The following XIRP1 variants were observed in gnomAD, a reference collection of about 807,000 sequenced individuals.
XIRP1 encodes the protein xin actin-binding repeat-containing protein 1.
For missense variants in XIRP1, 2,378 were observed against 2,345.4 expected, an observed-to-expected ratio of 1.01 and a Z score of -0.29; for synonymous variants, 984 against 947.0, an observed-to-expected ratio of 1.04 and a Z score of -0.72.
Position 39,183,700 on chromosome 3 carries a change from C to G in XIRP1, c.*214G>C. On this transcript the variant is annotated 3_prime_UTR_variant, in exon 2 of 2. Transcript: ENST00000340369. The stretch of plus-strand genomic sequence containing the variant: ...CCCCCATCCTACCCCCACGCCTGTG[C>G]AACTCTGTGGGCCTCTTCCAGACCT... The G allele has an allele frequency of 1.3e-6, 1 of 794,988 alleles. No homozygotes were observed. Among genetic ancestry groups the G allele is most frequent in the Non-Finnish European group, 1.9e-6 (1 of 525,626 alleles). 49.2% of individuals were successfully genotyped at this position (794,988 alleles called of 1,614,324 possible). A position where few individuals can be genotyped will look rare whatever the true frequency, so the allele number is the denominator to read the frequency against.
rs752027969 is a variant in XIRP1 at position 39,188,162 on chromosome 3, G to C, written c.1284C>G (p.Ala428=). The C allele has an allele frequency of 6.2e-7, 1 of 1,614,150 alleles. No homozygotes were observed. The highest frequency in any genetic ancestry group is 2.2e-5 in the East Asian group (1 of 44,888). ...SSSALPFSQS[A]PQRDELKGDV... is the part of the protein sequence containing the mutation. ...CCCCCTTTAGCTCATCCCTCTGGGG[G>C]GCACTCTGAGAGAAGGGCAGTGCTG... Residue 428 remains alanine (A), a synonymous_variant, in exon 2 of 2, where the codon GCC becomes GCG. Transcript: ENST00000340369.
rs777158217 is a variant in XIRP1, at chr3:39,183,961, C to T, written c.5485G>A (p.Glu1829Lys). 4.3e-6 allele frequency: 7 copies of T among 1,612,088 alleles called. No homozygotes were observed. Among genetic ancestry groups the T allele is most frequent in the Non-Finnish European group, 4.2e-6 (5 of 1,179,908 alleles). The stretch of plus-strand genomic sequence containing the variant: ...TAGCTGCAGGACACCTGCACCGTCT[C>T]AGCTTCTGTCAGGTCACTGCTGAAC... ...AGFSSDLTEA[E>K]TVQVSCSYSQ... Residue 1829 changes from glutamate to lysine, a missense_variant, in exon 2 of 2, where the codon GAG becomes AAG. Transcript: ENST00000340369.
In XIRP1 at chr3:39,188,490, A is replaced by G. The variant is rs377641620; in HGVS notation, c.956T>C (p.Ile319Thr). 1.6e-5 allele frequency: 25 copies of G among 1,603,876 alleles called. No homozygotes were observed. In the African/African-American group the frequency reaches 3.3e-4, roughly 21 times the overall value. Residue 319 changes from isoleucine to threonine, a missense_variant, in exon 2 of 2, where the codon ATC becomes ACC. By Grantham distance (89) the Ile-to-Thr change is moderately conservative. Transcript: ENST00000340369. ...CTTCTCATCTACCAAGATCTCCCGG[A>G]TGGCATCCAGGGGCTGTGTCTCAAA... ...WIFETQPLDA[I>T]REILVDEKDF...
chr3:39,184,521 G>A lies in XIRP1; in HGVS notation c.4925C>T (p.Pro1642Leu). Residue 1642 changes from proline to leucine, a missense_variant, in exon 2 of 2, where the codon CCT becomes CTT. Physicochemically the swap from Pro to Leu is moderately conservative, Grantham distance 98. Coordinates refer to ENST00000340369, the MANE Select transcript of XIRP1 (RefSeq NM_194293.4). Reference protein sequence around the residue: ...EARGHTASTAPSTRRQETSRE... With the variant: ...EARGHTASTALSTRRQETSRE... The stretch of plus-strand genomic sequence containing the variant: ...TGATGTCTCCTGCCTCCTGGTGGAA[G>A]GGGCAGTTGAGGCTGTGTGACCTCT... 1 of 1,613,830 alleles carries A rather than the reference G, an allele frequency of 6.2e-7. No individual in the cohort carries two copies. The highest frequency in any genetic ancestry group is 1.1e-5 in the South Asian group (1 of 91,090).
At position 39,189,236 on chromosome 3, in the gene XIRP1, A is replaced by C; in HGVS notation, c.210T>G (p.Ala70=). 2 of 1,614,150 alleles carry C rather than the reference A, an allele frequency of 1.2e-6. No individual in the cohort carries two copies. The highest frequency in any genetic ancestry group is 1.7e-6 in the Non-Finnish European group (2 of 1,180,038). The change falls in exon 2 of 2, where the codon GCT becomes GCG. Residue 70 remains alanine, a synonymous_variant. Coordinates refer to ENST00000340369, the MANE Select transcript of XIRP1 (RefSeq NM_194293.4). ...CAGCCAGATCCTCGGCCACAGCCTC[A>C]GCCAGATTCTTGCGGAGCTCAGGGT... ...HIHPELRKNL[A]EAVAEDLAEV... is the part of the protein sequence containing the mutation.
rs368380180 is a variant in XIRP1, at chr3:39,186,738, C to T, written c.2708G>A (p.Gly903Asp). The stretch of plus-strand genomic sequence containing the variant: ...AGAGTAGGCAGTCAGTGCGACCAGG[C>T]CCTGCTCTGTCTCCTGCATCACCAG... ...TGLVMQETEQ[G>D]LVALTAYSLQ... The change falls in exon 2 of 2, where the codon GGC (glycine) becomes GAC (aspartate). Residue 903 changes from glycine to aspartate, a missense_variant. Transcript: ENST00000340369. 4 of 1,613,926 alleles carry T rather than the reference C, an allele frequency of 2.5e-6. No homozygotes were observed. Among genetic ancestry groups the T allele is most frequent in the Non-Finnish European group, 3.4e-6 (4 of 1,180,046 alleles).
chr3:39,189,498 A>G lies in XIRP1; in HGVS notation c.-53T>C, dbSNP rs2040057699. On this transcript the variant is annotated 5_prime_UTR_variant, in exon 2 of 2. Transcript: ENST00000340369. ...GGATGGGATTGGGAGCCTTAGATCT[A>G]GATGTTCAGCAGGGTAGAGGCTGGA... is the stretch of plus-strand genomic sequence containing the variant. 6.5e-7 allele frequency: 1 copy of G among 1,531,222 alleles called. No homozygotes were observed. The highest frequency in any genetic ancestry group is 2.1e-5 in the Admixed American group (1 of 47,598). 94.9% of individuals were successfully genotyped at this position (1,531,222 alleles called of 1,614,324 possible). A position where few individuals can be genotyped will look rare whatever the true frequency, so the allele number is the denominator to read the frequency against.
rs773256170 is a variant in XIRP1 at position 39,186,215 on chromosome 3, C to G, written c.3231G>C (p.Lys1077Asn). 3 of 1,613,850 alleles carry G rather than the reference C, an allele frequency of 1.9e-6. No individual in the cohort carries two copies. The highest frequency in any genetic ancestry group is 3.3e-4 in the Middle Eastern group (2 of 6,058). ...AAGTGGCTGTTGGGGTGGGGCCCTG[C>G]TTGTGCTTGTTCAGAACTTGCTGGT... ...SLHQQVLNKH[K>N]QGPTPTATSN... The change falls in exon 2 of 2, where the codon AAG becomes AAC. Residue 1077 changes from lysine (K) to asparagine (N), a missense_variant. Coordinates refer to ENST00000340369, the MANE Select transcript of XIRP1 (RefSeq NM_194293.4).
chr3:39,187,236 A>C lies in XIRP1; in HGVS notation c.2210T>G (p.Met737Arg), dbSNP rs1265398723. Reference protein sequence around the residue: ...KFTWLFENCPMGSLAAESIQG... With the variant: ...KFTWLFENCPRGSLAAESIQG... ...GATGCTCTCAGCTGCCAGGGAGCCC[A>C]TGGGACAATTCTCAAAAAGCCAAGT... The change falls in exon 2 of 2, where the codon ATG (methionine) becomes AGG (arginine). Residue 737 changes from methionine (M) to arginine (R), a missense_variant. Transcript: ENST00000340369. 1.5e-5 allele frequency: 24 copies of C among 1,586,882 alleles called. No homozygotes were observed. Among genetic ancestry groups the C allele is most frequent in the Non-Finnish European group, 2.1e-5 (24 of 1,163,400 alleles).
At position 39,189,488 on chromosome 3, in the gene XIRP1, C is replaced by T. The variant is rs374020685; in HGVS notation, c.-43G>A. On this transcript the variant is annotated 5_prime_UTR_variant, in exon 2 of 2. Transcript: ENST00000340369. ...GCAGAGATGAGGATGGGATTGGGAGCCTTAGATCTAGATGTTCAGCAGGGT... is the reference window on the plus strand; with the variant it reads ...GCAGAGATGAGGATGGGATTGGGAGTCTTAGATCTAGATGTTCAGCAGGGT... The T allele has an allele frequency of 1.3e-6, 2 of 1,535,768 alleles. No homozygotes were observed. The highest frequency in any genetic ancestry group is 2.8e-5 in the African/African-American group (2 of 72,412).
chr3:39,188,041 C>T lies in XIRP1; in HGVS notation c.1405G>A (p.Gly469Arg). Reference protein sequence around the residue: ...LAHGSPSREEGTDSAGQAQGI... With the variant: ...LAHGSPSREERTDSAGQAQGI... ...TGGGCCTGCCCAGCAGAATCAGTTC[C>T]TTCTTCTCTGCTTGGACTCCCATGG... The change falls in exon 2 of 2, where the codon GGA becomes AGA. Residue 469 changes from glycine (G) to arginine (R), a missense_variant. Coordinates refer to ENST00000340369, the MANE Select transcript of XIRP1 (RefSeq NM_194293.4). 1 of 1,614,188 alleles carries T rather than the reference C, an allele frequency of 6.2e-7. No homozygotes were observed. Among genetic ancestry groups the T allele is most frequent in the Non-Finnish European group, 8.5e-7 (1 of 1,179,984 alleles).
At chr3:39,190,107 C>T (rs60722990) in intron 1 of XIRP1, among the ~76,000 whole-genome samples, 3,741 of 152,312 alleles carry the variant, frequency 0.025, 128 homozygotes, top group Admixed American at 0.081. Flanking sequence ...AGAGCGGAAG[C>T]AGTTGAGAAT....
Position 39,186,693 on chromosome 3 carries a change from C to A in XIRP1, c.2753G>T (p.Ser918Ile). 1 of 1,613,978 alleles carries A rather than the reference C, an allele frequency of 6.2e-7. No individual in the cohort carries two copies. The highest frequency in any genetic ancestry group is 8.5e-7 in the Non-Finnish European group (1 of 1,180,016). The change falls in exon 2 of 2, where the codon AGC becomes ATC. Residue 918 changes from serine to isoleucine, a missense_variant. Ser to Ile is a moderately radical substitution (Grantham distance 142, BLOSUM62 -2). Transcript: ENST00000340369. Reference sequence around the variant, plus strand: ...CACGCTGCTCCTCTCAGAGGCCTTGCTAGTTAGCCGGGGCTGCAGAGAGTA... The same window carrying A: ...CACGCTGCTCCTCTCAGAGGCCTTGATAGTTAGCCGGGGCTGCAGAGAGTA... ...TAYSLQPRLT[S>I]KASERSSVQL... is the part of the protein sequence containing the mutation.
Position 39,186,689 on chromosome 3 carries a change from C to A in XIRP1, c.2757G>T (p.Lys919Asn). 6.2e-7 allele frequency: 1 copy of A among 1,614,026 alleles called. No homozygotes were observed. Among genetic ancestry groups the A allele is most frequent in the Non-Finnish European group, 8.5e-7 (1 of 1,180,032 alleles). The change falls in exon 2 of 2, where the codon AAG becomes AAT. Residue 919 changes from lysine (K) to asparagine (N), a missense_variant. Transcript: ENST00000340369. ...AYSLQPRLTSKASERSSVQLL... is the reference protein window; with the variant it reads ...AYSLQPRLTSNASERSSVQLL... The stretch of plus-strand genomic sequence containing the variant: ...GCTGCACGCTGCTCCTCTCAGAGGC[C>A]TTGCTAGTTAGCCGGGGCTGCAGAG...
intron 1 of XIRP1, among the ~76,000 whole-genome samples, chr3:39,190,011 G>A (rs1444032631): frequency 1.3e-5 from 2 of 152,160 alleles, no homozygotes; most frequent in Non-Finnish European, 2.9e-5. Flanking sequence ...GACCTGGAAC[G>A]CTGCCTAACT....
In XIRP1 at chr3:39,185,614, C is replaced by T. The variant is rs888871909; in HGVS notation, c.3832G>A (p.Asp1278Asn). 5.6e-6 allele frequency: 9 copies of T among 1,611,300 alleles called. No individual in the cohort carries two copies. In the African/African-American group the frequency reaches 9.4e-5, roughly 17 times the overall value. The stretch of plus-strand genomic sequence containing the variant: ...GGCTCAGAGGCTTGCTGGATGGAGT[C>T]CTCAGCACGGTGGGCTCCAGCTGGA... ...DFPAGAHRAE[D>N]SIQQASEPLK... Residue 1278 changes from aspartate (D) to asparagine (N), a missense_variant, in exon 2 of 2, where the codon GAC becomes AAC. Transcript: ENST00000340369.
chr3:39,186,111 C>T lies in XIRP1; in HGVS notation c.3335G>A (p.Arg1112Gln), dbSNP rs201476562. Reference sequence around the variant, plus strand: ...GACCTTTCTGGGGGCTGCTGGGATCCGGGGATCACTTCCACCCCCAGGCCT... The same window carrying T: ...GACCTTTCTGGGGGCTGCTGGGATCTGGGGATCACTTCCACCCCCAGGCCT... ...NIRPGGGSDP[R>Q]IPAAPRKVSR... is the part of the protein sequence containing the mutation. Residue 1112 changes from arginine (R) to glutamine (Q), a missense_variant, in exon 2 of 2, where the codon CGG (arginine) becomes CAG (glutamine). Transcript: ENST00000340369. The T allele has an allele frequency of 6.1e-5, 98 of 1,613,278 alleles. No homozygotes were observed. Among genetic ancestry groups the T allele is most frequent in the Middle Eastern group, 1.6e-4 (1 of 6,078 alleles).
chr3:39,185,381 C>A lies in XIRP1; in HGVS notation c.4065G>T (p.Glu1355Asp), dbSNP rs774316557. 5.6e-6 allele frequency: 9 copies of A among 1,614,002 alleles called. No homozygotes were observed. Among genetic ancestry groups the A allele is most frequent in the Non-Finnish European group, 7.6e-6 (9 of 1,180,008 alleles). ...CTCGTTGGTGTTCTCTTTGCCCCAC[C>A]TCCGAGGAAAAGCTGGGAGATAGAG... is the stretch of plus-strand genomic sequence containing the variant. ...PLPLSPSFSS[E>D]VGQREHQRGE... Residue 1355 changes from glutamate to aspartate, a missense_variant, in exon 2 of 2, where the codon GAG becomes GAT. Coordinates refer to ENST00000340369, the MANE Select transcript of XIRP1 (RefSeq NM_194293.4).
rs141254278 is a variant in XIRP1, at chr3:39,190,041, C to T, written c.-80-516G>A. ...CTAACTTTTACCTCTTGGCTGTCAA[C>T]GCACTCCAACCTTTCCCAGGCCCAA... is the stretch of plus-strand genomic sequence containing the variant. On this transcript the variant is annotated intron_variant, in intron 1 of 1. Transcript: ENST00000340369. Among the ~76,000 whole-genome samples, 825 of 152,310 alleles carry T rather than the reference C, an allele frequency of 5.4e-3. 4 individuals carry two copies. The highest frequency in any genetic ancestry group is 0.014 in the African/African-American group (588 of 41,570).
Sources: allele counts gnomAD v4.1 joint callset (sites outside exome capture counted in the v4.1 genomes callset), GRCh38; gene constraint gnomAD v4.1.1; transcripts MANE v1.5; gene names NCBI Gene and HGNC (gene_info 2026-07-23, HGNC 2026-07-21).